MCTP2: variants seen among roughly 807,000 people sequenced by gnomAD.
The protein encoded by MCTP2 is multiple C2 and transmembrane domain-containing protein 2.
A neutral mutation model predicts 111.6 loss-of-function variants in MCTP2; 132 were observed. The observed-to-expected ratio is 1.18, with a 90% CI of 1.03 to 1.37. MCTP2 has a LOEUF of 1.37. Among genes scored for constraint, MCTP2 ranks in the 40% most tolerant of loss-of-function variants. The pLI, the probability that MCTP2 is intolerant of heterozygous loss-of-function variation, is 0.00. For missense variants in MCTP2, 1,183 were observed against 1,067.9 expected (o/e 1.11, Z -1.50); for synonymous variants, 395 against 387.7 (o/e 1.02, Z -0.22).
At chr15:94,333,545 G>T (rs1268152044) in intron 4 of MCTP2, among the ~76,000 whole-genome samples, 2 of 151,972 alleles carry the variant, frequency 1.3e-5, no homozygotes, top group Non-Finnish European at 2.9e-5. Context: ...ATGTGATATT[G>T]ACTGTTTCTA....
At chr15:94,277,474 G>A (rs1217593841) in intron 1 of MCTP2, among the ~76,000 whole-genome samples, 1 of 152,086 alleles carries the variant, frequency 6.6e-6, no homozygotes, top group Non-Finnish European at 1.5e-5. Flanking sequence ...CTAGACAATA[G>A]AATATTATTC....
intron 1 of MCTP2, among the ~76,000 whole-genome samples, chr15:94,287,717 C>G (rs1022786091): frequency 6.6e-6 from 1 of 152,214 alleles, no homozygotes; most frequent in African/African-American, 2.4e-5. Flanking sequence ...TCTCCTCATT[C>G]ATCAGATTGG....
chr15:94,444,414 G>A (rs1254568339), intron 19 of MCTP2, among the ~76,000 whole-genome samples: 2 of 152,152 alleles, frequency 1.3e-5, no homozygotes, highest in African/African-American at 4.8e-5. Flanking sequence ...TCAATCTCTG[G>A]CCCCCTCTTC....
chr15:94,387,645 C>T (rs1348769194), intron 14 of MCTP2, among the ~76,000 whole-genome samples: 1 of 152,148 alleles, frequency 6.6e-6, no homozygotes, highest in Non-Finnish European at 1.5e-5. Flanking sequence ...TGATAGAGCT[C>T]TAACAATGAC....
chr15:94,244,434 C>G lies in MCTP2; in HGVS notation c.-66+12770C>G, dbSNP rs752011193. Among the ~76,000 whole-genome samples, 310 of 146,268 alleles carry G rather than the reference C, an allele frequency of 2.1e-3. 3 individuals are homozygous for G. Among genetic ancestry groups the G allele is most frequent in the Non-Finnish European group, 2.5e-3 (165 of 66,198 alleles). On this transcript the variant is annotated intron_variant, in intron 1 of 22. Transcript: ENST00000357742. ...TATATGTATACACATACATATGCAC[C>G]TATGTTTATATACGTATATGTATAC...
intron 9 of MCTP2, among the ~76,000 whole-genome samples, chr15:94,357,835 C>T (rs1343020524): frequency 6.6e-6 from 1 of 152,260 alleles, no homozygotes; most frequent in East Asian, 1.9e-4. Context: ...TGCCAATAAA[C>T]CAAACGTAGA....
chr15:94,310,341 G>A (rs545444013), intron 2 of MCTP2, among the ~76,000 whole-genome samples: 1 of 152,266 alleles, frequency 6.6e-6, no homozygotes, highest in South Asian at 2.1e-4. Flanking sequence ...GGTCAAAGTG[G>A]AATAGCACAG....
chr15:94,236,636 A>T (rs974893190), intron 1 of MCTP2, among the ~76,000 whole-genome samples: 1 of 152,082 alleles, frequency 6.6e-6, no homozygotes, highest in Non-Finnish European at 1.5e-5. Flanking sequence ...GCATGCGTTC[A>T]TTCATTCATG....
intron 8 of MCTP2, among the ~76,000 whole-genome samples, chr15:94,353,140 C>T (rs2078404320): frequency 2.0e-5 from 3 of 152,172 alleles, no homozygotes; most frequent in Non-Finnish European, 4.4e-5. Context: ...GAGAGCAAGT[C>T]CATCAGATCA....
rs1012712283 is a variant in MCTP2, at chr15:94,402,183, A to T, written c.2085+164A>T. 1.6e-5 allele frequency: 14 copies of T among 870,346 alleles called. No homozygotes were observed. The African/African-American group carries it at 2.0e-4, about 12-fold the overall frequency. 53.9% of individuals were successfully genotyped at this position (870,346 alleles called of 1,614,324 possible). ...CCCTTAAATTACCCAAATCTTAGTCATATATGGTCTCTTGGTAAATTTAAG... is the reference window on the plus strand; with the variant it reads ...CCCTTAAATTACCCAAATCTTAGTCTTATATGGTCTCTTGGTAAATTTAAG... On this transcript the variant is annotated intron_variant, in intron 17 of 22. Coordinates refer to ENST00000357742, the MANE Select transcript of MCTP2 (RefSeq NM_001385001.1).
At chr15:94,269,179 GT>G (rs1230124307) in intron 1 of MCTP2, among the ~76,000 whole-genome samples, 1 of 152,148 alleles carries the variant, frequency 6.6e-6, no homozygotes, top group Non-Finnish European at 1.5e-5. Flanking sequence ...AGGTTGGTTA[GT>G]TTGGGTTTCA....
Position 94,245,100 on chromosome 15 carries a change from CTA to C in MCTP2, c.-66+13438_-66+13439del, listed in dbSNP as rs61728734. Among the ~76,000 whole-genome samples, 1,360 of 148,284 alleles carry C rather than the reference CTA, an allele frequency of 9.2e-3. 14 individuals carry two copies. Among genetic ancestry groups the C allele is most frequent in the African/African-American group, 0.025 (1,020 of 40,558 alleles). ...TATATGTATACACATACATATGTAC[CTA>C]TGTTTATATATGTATATGTATACAC... On this transcript the variant is annotated intron_variant, in intron 1 of 22. Coordinates refer to ENST00000357742, the MANE Select transcript of MCTP2 (RefSeq NM_001385001.1).
At chr15:94,231,415 C>T (rs2070154314), upstream of MCTP2, 1 of 152,370 alleles carries the variant, frequency 6.6e-6, no homozygotes, top group South Asian at 2.1e-4. Context: ...GGCCGAGCTC[C>T]CGGCGGCAGC....
intron 17 of MCTP2, among the ~76,000 whole-genome samples, chr15:94,414,557 G>T (rs534125336): frequency 6.6e-6 from 1 of 152,312 alleles, no homozygotes; most frequent in South Asian, 2.1e-4. Context: ...AGTTGGAACA[G>T]GACGTGTTCA....
chr15:94,306,568 A>G (rs1344117836), intron 2 of MCTP2, among the ~76,000 whole-genome samples: 4 of 152,222 alleles, frequency 2.6e-5, no homozygotes, highest in African/African-American at 9.6e-5. Context: ...AAAGGAAGAC[A>G]TTTATTTTTC....
intron 17 of MCTP2, chr15:94,402,290 AT>A (rs139536675): frequency 5.1e-6 from 5 of 984,120 alleles, no homozygotes; most frequent in African/African-American, 3.5e-5. Flanking sequence ...CATTGTGTGT[AT>A]TTTTTTTCTT....
intron 17 of MCTP2, among the ~76,000 whole-genome samples, chr15:94,417,158 A>C (rs1026438587): frequency 2.0e-5 from 3 of 152,120 alleles, no homozygotes; most frequent in Non-Finnish European, 2.9e-5. Flanking sequence ...TAAAATAAAC[A>C]ATCCCTTGGC....
At chr15:94,241,454 T>C (rs771131654) in intron 1 of MCTP2, among the ~76,000 whole-genome samples, 2 of 152,174 alleles carry the variant, frequency 1.3e-5, no homozygotes, top group Non-Finnish European at 2.9e-5. Flanking sequence ...CCATGGTTTG[T>C]AGTAATATCC....
chr15:94,390,626 A>T (rs1454346677), intron 14 of MCTP2, among the ~76,000 whole-genome samples: 2 of 152,186 alleles, frequency 1.3e-5, no homozygotes, highest in Non-Finnish European at 2.9e-5. Context: ...CTTTCATGGT[A>T]ATCTGTAAAA....
Sources: allele counts gnomAD v4.1 joint callset (sites outside exome capture counted in the v4.1 genomes callset), GRCh38; gene constraint gnomAD v4.1.1; transcripts MANE v1.5; gene names NCBI Gene and HGNC (gene_info 2026-07-23, HGNC 2026-07-21).